Variants in SPMIP7 observed in about 807,000 individuals in gnomAD.
SPMIP7 encodes the protein sperm microtubule inner protein 7.
At chr7:50,100,593 A>G in the SPMIP7 span, among the ~76,000 whole-genome samples, 1 of 152,104 alleles carries the variant, frequency 6.6e-6, no homozygotes, top group African/African-American at 2.4e-5. Context: ...CAGGTGGATC[A>G]TGAGGTCAGG....
the SPMIP7 span, among the ~76,000 whole-genome samples, chr7:50,116,781 A>T: frequency 6.6e-6 from 1 of 152,354 alleles, no homozygotes; most frequent in South Asian, 2.1e-4. Flanking sequence ...AATCAGAAAT[A>T]ACTAAGACTA....
At chr7:50,151,521 C>T in the SPMIP7 span, 1 of 1,551,490 alleles carries the variant, frequency 6.4e-7, no homozygotes, top group African/African-American at 1.4e-5. Flanking sequence ...TCTAATATTC[C>T]ATCAACAACC....
the SPMIP7 span, among the ~76,000 whole-genome samples, chr7:50,126,124 G>A: frequency 0.52 from 79,017 of 151,724 alleles, 21,548 homozygotes; most frequent in East Asian, 0.73. Context: ...TCAATTAAAT[G>A]TTTTTAAAAG....
chr7:50,127,232 C>T, the SPMIP7 span, among the ~76,000 whole-genome samples: 5 of 152,174 alleles, frequency 3.3e-5, no homozygotes, highest in East Asian at 7.7e-4. Context: ...AGACCCCTAC[C>T]TCTCACCATA....
At chr7:50,108,216 A>T in the SPMIP7 span, among the ~76,000 whole-genome samples, 1 of 152,190 alleles carries the variant, frequency 6.6e-6, no homozygotes, top group East Asian at 1.9e-4. Context: ...TCCCTTCTCT[A>T]TGAAATAGTA....
the SPMIP7 span, chr7:50,151,672 A>T: frequency 2.1e-4 from 152 of 736,008 alleles, no homozygotes; most frequent in Admixed American, 4.5e-4. Context: ...CATTGTTTTT[A>T]AAAATGTGGC....
chr7:50,158,359 A>G, the SPMIP7 span, among the ~76,000 whole-genome samples: 144,934 of 147,310 alleles, frequency 0.98, 71,308 homozygotes, highest in Non-Finnish European at 1. Context: ...CAACCTCTGG[A>G]TGTGGCCCAG....
chr7:50,125,135 C>A, the SPMIP7 span, among the ~76,000 whole-genome samples: 535 of 38,302 alleles, frequency 0.014, 50 homozygotes, highest in Non-Finnish European at 0.024. Flanking sequence ...CACACACACA[C>A]ACACACATAT....
the SPMIP7 span, among the ~76,000 whole-genome samples, chr7:50,115,231 A>T: frequency 2.0e-5 from 3 of 152,176 alleles, no homozygotes; most frequent in Non-Finnish European, 4.4e-5. Context: ...GATATTTTAC[A>T]ATAGGAAAGG....
the SPMIP7 span, among the ~76,000 whole-genome samples, chr7:50,130,512 C>T: frequency 5.9e-5 from 9 of 152,040 alleles, no homozygotes; most frequent in Non-Finnish European, 1.0e-4. Flanking sequence ...AGGATTATTA[C>T]AATTCAAGGT....
At chr7:50,131,192 T>A in the SPMIP7 span, among the ~76,000 whole-genome samples, 1 of 152,078 alleles carries the variant, frequency 6.6e-6, no homozygotes, top group Non-Finnish European at 1.5e-5. Context: ...CAGAAAAATT[T>A]GTAAGCAACG....
chr7:50,135,345 T>C, the SPMIP7 span, among the ~76,000 whole-genome samples: 2 of 152,134 alleles, frequency 1.3e-5, no homozygotes, highest in Non-Finnish European at 2.9e-5. Flanking sequence ...GTACACAAAA[T>C]CCATAGGATT....
At chr7:50,129,710 C>A in the SPMIP7 span, 1 of 1,536,248 alleles carries the variant, frequency 6.5e-7, no homozygotes, top group Non-Finnish European at 8.8e-7. Context: ...TTTTTCATGC[C>A]TTCTAGGATG....
chr7:50,106,490 A>G, the SPMIP7 span, among the ~76,000 whole-genome samples: 18 of 152,230 alleles, frequency 1.2e-4, no homozygotes, highest in Admixed American at 9.2e-4. Context: ...AACTAGGATG[A>G]AGGTGATCCT....
the SPMIP7 span, chr7:50,151,543 T>C: frequency 6.5e-7 from 1 of 1,550,208 alleles, no homozygotes; most frequent in Non-Finnish European, 8.7e-7. Context: ...CATCACCAGA[T>C]TCAGAACTGC....
At chr7:50,104,309 T>C in the SPMIP7 span, 1 of 1,482,242 alleles carries the variant, frequency 6.7e-7, no homozygotes, top group South Asian at 1.4e-5. Context: ...TTTTTGTGTT[T>C]TCAGGTTGGA....
the SPMIP7 span, among the ~76,000 whole-genome samples, chr7:50,099,008 T>TC: frequency 6.6e-6 from 1 of 152,236 alleles, no homozygotes; most frequent in African/African-American, 2.4e-5. Flanking sequence ...TGCCAGGGGT[T>TC]ATGAACTCCT....
chr7:50,122,306 G>A, the SPMIP7 span, among the ~76,000 whole-genome samples: 1 of 151,570 alleles, frequency 6.6e-6, no homozygotes, highest in East Asian at 1.9e-4. Flanking sequence ...AGAAAAACAA[G>A]CAATGGGGAA....
chr7:50,129,115 C>T, the SPMIP7 span, among the ~76,000 whole-genome samples: 2 of 151,800 alleles, frequency 1.3e-5, no homozygotes, highest in African/African-American at 4.8e-5. Flanking sequence ...TGAATTAAAA[C>T]ATAGAACTAG....
Sources: allele counts gnomAD v4.1 joint callset (sites outside exome capture counted in the v4.1 genomes callset), GRCh38; gene constraint gnomAD v4.1.1; transcripts MANE v1.5; gene names NCBI Gene and HGNC (gene_info 2026-07-23, HGNC 2026-07-21).